The following GATA4 variants were observed in gnomAD, a reference collection of about 807,000 sequenced individuals.
GATA4 encodes transcription factor GATA-4.
In GATA4, 7 loss-of-function variants were observed where a neutral mutation model predicts 37.9. The observed-to-expected ratio is 0.18, with a 90% CI of 0.11 to 0.35. The LOEUF (loss-of-function observed/expected upper bound fraction) is 0.35, where lower values mean the gene tolerates loss of function less well. Ranked by LOEUF, GATA4 falls within the 10% of genes least tolerant of loss-of-function variation. The pLI is 1.00. For synonymous variants in GATA4, 372 were observed against 292.6 expected, an observed-to-expected ratio of 1.27 and a Z score of -2.77; for missense variants, 647 against 653.0, an observed-to-expected ratio of 0.99 and a Z score of 0.10.
chr8:11,754,981 C>A, intron 4 of GATA4, 65 bp from the exon 5 acceptor site: 1 of 1,308,044 alleles, frequency 7.6e-7, no homozygotes, highest in African/African-American at 1.5e-5. Flanking sequence ...AGGTGTGTGT[C>A]TTTCAATGCT....
chr8:11,688,500 A>T (rs577678111), upstream of GATA4, among the ~76,000 whole-genome samples: 1 of 151,120 alleles, frequency 6.6e-6, no homozygotes, highest in South Asian at 2.1e-4. Flanking sequence ...TAAAGCACAC[A>T]TGCATGCATG....
chr8:11,744,302 A>G (rs1240210046), intron 2 of GATA4, among the ~76,000 whole-genome samples: 1 of 152,232 alleles, frequency 6.6e-6, no homozygotes, highest in African/African-American at 2.4e-5. Context: ...TTTGCAAAGC[A>G]CTTTACAGCC....
chr8:11,703,132 C>G (rs909049219), upstream of GATA4, among the ~76,000 whole-genome samples: 4 of 151,978 alleles, frequency 2.6e-5, no homozygotes, highest in East Asian at 5.8e-4. Context: ...CCCCATCCCT[C>G]TAATCTGGCT....
At chr8:11,740,108 C>A (rs1423070660) in intron 2 of GATA4, among the ~76,000 whole-genome samples, 1 of 152,186 alleles carries the variant, frequency 6.6e-6, no homozygotes, top group Non-Finnish European at 1.5e-5. Flanking sequence ...CTGGTTGTAT[C>A]TGAGCCTGAA....
chr8:11,757,142 A>G (rs1802626673), intron 6 of GATA4, 59 bp downstream of exon 6: 2 of 1,605,416 alleles, frequency 1.2e-6, no homozygotes, highest in African/African-American at 1.3e-5. Context: ...GCAGAGTCCC[A>G]GAGGCCAGCC....
At chr8:11,745,704 C>G (rs1413164504) in intron 2 of GATA4, among the ~76,000 whole-genome samples, 1 of 152,156 alleles carries the variant, frequency 6.6e-6, no homozygotes, top group Admixed American at 6.5e-5. Context: ...ACAAGAGGAA[C>G]ACATTATGAG....
At chr8:11,752,595 A>G (rs913346198) in intron 4 of GATA4, among the ~76,000 whole-genome samples, 3 of 152,220 alleles carry the variant, frequency 2.0e-5, no homozygotes, top group Non-Finnish European at 4.4e-5. Context: ...ACAATTCAAG[A>G]TGAGATTTTG....
rs756903507 is a variant in GATA4, at chr8:11,708,927, C to T, written c.615C>T (p.Leu205=). ...RANPAARHPN[L]VDMFDDFSEG... ...ACCCGGCCGCCCGACACCCCAATCT[C>T]GGTGAGTAGGAGCGCGAGGGCTGGG... The change falls in exon 2 of 7, where the codon CTC becomes CTT. Residue 205 remains leucine, a splice_region_variant and synonymous_variant. Transcript: ENST00000532059. The surrounding 1 kb of genome is among the most constrained non-coding windows in gnomAD (Gnocchi z 6.7). 7 of 1,526,614 alleles carry T rather than the reference C, an allele frequency of 4.6e-6. No homozygotes were observed. The South Asian group carries it at 6.0e-5, about 13-fold the overall frequency. The allele number at this position is 1,526,614 out of a possible 1,614,324, so 94.6% of individuals were successfully genotyped here.
intron 2 of GATA4, among the ~76,000 whole-genome samples, chr8:11,742,512 C>T (rs1458171838): frequency 6.6e-6 from 1 of 151,980 alleles, no homozygotes; most frequent in Non-Finnish European, 1.5e-5. Flanking sequence ...GGGTTCTTGT[C>T]CTTTATAAGG....
chr8:11,692,932 A>G, intron 1 of GATA4: 13 of 984,164 alleles, frequency 1.3e-5, no homozygotes, highest in Non-Finnish European at 1.6e-5. Context: ...GGCGGCCGTC[A>G]GCGCGCACCT....
Position 11,758,910 on chromosome 8 carries a change from C to A in GATA4, c.*435C>A, listed in dbSNP as rs1802745110. 2 of 306,974 alleles carry A rather than the reference C, an allele frequency of 6.5e-6. No homozygotes were observed. The highest frequency in any genetic ancestry group is 4.4e-5 in the Admixed American group (1 of 22,580). The allele number at this position is 306,974 out of a possible 1,614,324, so 19.0% of individuals were successfully genotyped here. ...GCCATGTACCTGGATGCGACGGGCC[C>A]CTGGGGACAGGCCCTTGCCCCATCC... On this transcript the variant is annotated 3_prime_UTR_variant, in exon 7 of 7. Transcript: ENST00000532059.
At chr8:11,756,774 T>C in intron 5 of GATA4, 161 bp from the exon 6 acceptor site, 5 of 915,262 alleles carry the variant, frequency 5.5e-6, no homozygotes, top group Non-Finnish European at 8.9e-6. Context: ...AAGCCATCCC[T>C]GTGAGAACTG....
At chr8:11,684,969 A>G (rs1585549847) in intron 1 of GATA4, among the ~76,000 whole-genome samples, 1 of 152,344 alleles carries the variant, frequency 6.6e-6, no homozygotes, top group East Asian at 1.9e-4. Context: ...AAAACCCAAA[A>G]AGTGGTCATA....
At position 11,709,919 on chromosome 8, in the gene GATA4, G is replaced by A. The variant is rs1585600317; in HGVS notation, c.616+991G>A. 1.3e-5 allele frequency among the ~76,000 whole-genome samples: 2 copies of A among 152,218 alleles called. No homozygotes were observed. The highest frequency in any genetic ancestry group is 3.9e-4 in the East Asian group (2 of 5,194). On this transcript the variant is annotated intron_variant, in intron 2 of 6. Coordinates refer to ENST00000532059, the MANE Select transcript of GATA4 (RefSeq NM_001308093.3). The surrounding 1 kb of genome is among the most constrained non-coding windows in gnomAD (Gnocchi z 4.3). ...AACGACCTCTGGAATTTCGGGAAGA[G>A]ACGGAGGAGTGAGTTTGGATTGAGC...
At chr8:11,741,982 G>A (rs1801761023) in intron 2 of GATA4, among the ~76,000 whole-genome samples, 1 of 152,180 alleles carries the variant, frequency 6.6e-6, no homozygotes, top group Admixed American at 6.5e-5. Flanking sequence ...GCCCAGCCTG[G>A]GTTCGATCCC....
chr8:11,738,511 T>C (rs757830594), intron 2 of GATA4, among the ~76,000 whole-genome samples: 5 of 152,228 alleles, frequency 3.3e-5, no homozygotes, highest in Non-Finnish European at 7.3e-5. Flanking sequence ...CTACATAGTG[T>C]GCCTTAATTG....
intron 1 of GATA4, chr8:11,680,788 G>A (rs927796330): frequency 5.5e-5 from 54 of 985,188 alleles, no homozygotes; most frequent in Non-Finnish European, 6.1e-5. Flanking sequence ...GTGCTCACCC[G>A]CCCCTCGCCC....
At chr8:11,689,934 G>A (rs886842960), upstream of GATA4, among the ~76,000 whole-genome samples, 10 of 152,232 alleles carry the variant, frequency 6.6e-5, no homozygotes, top group African/African-American at 2.4e-4. Context: ...ATATAACCAG[G>A]GTGCCAGGGA....
chr8:11,697,784 G>A (rs1799549200), intron 1 of GATA4: 2 of 985,448 alleles, frequency 2.0e-6, no homozygotes, highest in Non-Finnish European at 2.4e-6. Context: ...TCCAACTCCG[G>A]GTCACCTCGG....
Sources: gnomAD v4.1 joint callset for allele counts (sites outside exome capture counted in the v4.1 genomes callset) on GRCh38, gnomAD v4.1.1 for gene constraint, Gnocchi (gnomAD v3.1) non-coding constraint, MANE v1.5 for transcripts, NCBI Gene and HGNC (gene_info 2026-07-23, HGNC 2026-07-21) for gene names.